The following BTBD9 variants were observed in gnomAD, a reference collection of about 807,000 sequenced individuals.
The protein encoded by BTBD9 is BTB/POZ domain-containing protein 9.
A neutral mutation model predicts 64.3 loss-of-function variants in BTBD9; 49 were observed. The observed-to-expected ratio is 0.76, with a 90% confidence interval of 0.61 to 0.97. The LOEUF (loss-of-function observed/expected upper bound fraction) is 0.97, where lower values mean the gene tolerates loss of function less well. Among genes scored for constraint, BTBD9 ranks in the 50% least tolerant of loss-of-function variants. The pLI, the probability that BTBD9 is intolerant of heterozygous loss-of-function variation, is 0.00. For synonymous variants in BTBD9, 260 were observed against 274.7 expected (o/e 0.95, Z 0.53); for missense variants, 598 against 762.1 (o/e 0.78, Z 2.53).
At chr6:38,567,749 C>T (rs1442880750) in intron 6 of BTBD9, among the ~76,000 whole-genome samples, 1 of 152,192 alleles carries the variant, frequency 6.6e-6, no homozygotes, top group Non-Finnish European at 1.5e-5. Flanking sequence ...ATCTAGGGAA[C>T]TTCTACCATT....
intron 6 of BTBD9, among the ~76,000 whole-genome samples, chr6:38,550,524 G>T (rs901262896): frequency 4.6e-5 from 7 of 151,958 alleles, no homozygotes; most frequent in African/African-American, 1.7e-4. Flanking sequence ...CACTGTGTTA[G>T]CCAGGATGGT....
At chr6:38,541,673 G>A (rs899620601) in intron 6 of BTBD9, among the ~76,000 whole-genome samples, 18 of 152,254 alleles carry the variant, frequency 1.2e-4, no homozygotes, top group African/African-American at 4.1e-4. Context: ...AGGAGATGGA[G>A]GTTGCTGTGA....
At chr6:38,446,489 T>C (rs905481583) in intron 6 of BTBD9, among the ~76,000 whole-genome samples, 1 of 152,154 alleles carries the variant, frequency 6.6e-6, no homozygotes, top group Non-Finnish European at 1.5e-5. Flanking sequence ...CTTTTGTTTC[T>C]GTCACGTGTT....
At chr6:38,430,670 G>A (rs1351762744) in intron 6 of BTBD9, among the ~76,000 whole-genome samples, 1 of 151,488 alleles carries the variant, frequency 6.6e-6, no homozygotes, top group East Asian at 1.9e-4. Context: ...AAGTATTCCT[G>A]GCTAATTTTT....
rs575025737 is a variant in BTBD9, at chr6:38,367,799, C to CAAAAA, written c.1155-22711_1155-22707dup. 4.0e-3 allele frequency among the ~76,000 whole-genome samples: 337 copies of CAAAAA among 84,228 alleles called. 31 individuals are homozygous for CAAAAA. The East Asian group carries it at 0.055, about 14-fold the overall frequency. The allele number at this position is 84,228 out of a possible 152,430, so 55.3% of individuals were successfully genotyped here. On this transcript the variant is annotated intron_variant, in intron 6 of 10. Coordinates refer to ENST00000481247, the MANE Select transcript of BTBD9 (RefSeq NM_001099272.2). Reference sequence around the variant, plus strand: ...TGCAAGAGTGTTGCACCAGAAATGGCAAAAAAAAAAAAAAAAAAAAAAAAA... The same window carrying CAAAAA: ...TGCAAGAGTGTTGCACCAGAAATGGCAAAAAAAAAAAAAAAAAAAAAAAAAAAAAA...
intron 8 of BTBD9, among the ~76,000 whole-genome samples, chr6:38,284,207 C>A (rs1366554639): frequency 6.6e-6 from 1 of 151,918 alleles, no homozygotes; most frequent in African/African-American, 2.4e-5. Context: ...AAAAAGCGGG[C>A]TTAAGGAAGT....
intron 6 of BTBD9, among the ~76,000 whole-genome samples, chr6:38,568,073 A>C (rs1191314448): frequency 6.6e-6 from 1 of 152,224 alleles, no homozygotes; most frequent in East Asian, 1.9e-4. Context: ...TATACAAGAT[A>C]TATAATTAAT....
intron 6 of BTBD9, among the ~76,000 whole-genome samples, chr6:38,469,722 C>T (rs956393303): frequency 4.6e-5 from 7 of 152,124 alleles, no homozygotes; most frequent in African/African-American, 1.7e-4. Flanking sequence ...AGGATTTTGT[C>T]GTCTGAGTAG....
chr6:38,580,939 T>C (rs1776255371), intron 4 of BTBD9, among the ~76,000 whole-genome samples: 1 of 152,202 alleles, frequency 6.6e-6, no homozygotes, highest in African/African-American at 2.4e-5. Context: ...ATGCCTGTAA[T>C]CCCAGCACTT....
chr6:38,625,958 C>T (rs1001690267), intron 1 of BTBD9, among the ~76,000 whole-genome samples: 2 of 152,216 alleles, frequency 1.3e-5, no homozygotes, highest in Non-Finnish European at 2.9e-5. Context: ...CAACAAATTA[C>T]ACTCCATTCA....
At chr6:38,609,427 A>G (rs767273351) in intron 1 of BTBD9, among the ~76,000 whole-genome samples, 2 of 152,202 alleles carry the variant, frequency 1.3e-5, no homozygotes, top group Non-Finnish European at 2.9e-5. Context: ...CTATAAAACT[A>G]TCAGCCTTTA....
intron 9 of BTBD9, among the ~76,000 whole-genome samples, chr6:38,239,040 G>A (rs1763896998): frequency 6.6e-6 from 1 of 152,028 alleles, no homozygotes; most frequent in Non-Finnish European, 1.5e-5. Context: ...AATCTTAATG[G>A]GGTGGGACTC....
intron 9 of BTBD9, among the ~76,000 whole-genome samples, chr6:38,253,801 C>G (rs185742722): frequency 2.0e-5 from 3 of 151,974 alleles, no homozygotes; most frequent in Non-Finnish European, 2.9e-5. Flanking sequence ...TTTGTTTCCC[C>G]CTTTTCATCA....
At chr6:38,275,232 A>T (rs1160097332) in intron 8 of BTBD9, among the ~76,000 whole-genome samples, 2 of 152,132 alleles carry the variant, frequency 1.3e-5, no homozygotes, top group Admixed American at 1.3e-4. Flanking sequence ...AACCTGACAA[A>T]AACAAGCAAT....
At chr6:38,434,091 A>G (rs1426674222) in intron 6 of BTBD9, among the ~76,000 whole-genome samples, 1 of 152,040 alleles carries the variant, frequency 6.6e-6, no homozygotes, top group Non-Finnish European at 1.5e-5. Context: ...TTATGTGACA[A>G]AGAAGAAAAT....
intron 6 of BTBD9, among the ~76,000 whole-genome samples, chr6:38,420,017 C>T (rs1214278158): frequency 6.6e-6 from 1 of 151,978 alleles, no homozygotes; most frequent in African/African-American, 2.4e-5. Flanking sequence ...ACTGATTTAT[C>T]CCAAGGTACT....
rs145734232 is a variant in BTBD9, at chr6:38,297,657, A to C, written c.1265-9196T>G. Among the ~76,000 whole-genome samples, 212 of 152,164 alleles carry C rather than the reference A, an allele frequency of 1.4e-3. 1 individual carries two copies. Among genetic ancestry groups the C allele is most frequent in the African/African-American group, 5.0e-3 (208 of 41,540 alleles). On this transcript the variant is annotated intron_variant, in intron 7 of 10. Coordinates refer to ENST00000481247, the MANE Select transcript of BTBD9 (RefSeq NM_001099272.2). The stretch of plus-strand genomic sequence containing the variant: ...ACTTTCTATTTTTCTGGTCTCTTGT[A>C]AATAACATAATAGATTTTTAAAAGA...
intron 6 of BTBD9, among the ~76,000 whole-genome samples, chr6:38,434,458 G>C (rs1043348934): frequency 1.3e-5 from 2 of 151,760 alleles, no homozygotes; most frequent in Non-Finnish European, 2.9e-5. Flanking sequence ...TCCCAGCCCC[G>C]CTTTGAGTTG....
intron 7 of BTBD9, among the ~76,000 whole-genome samples, chr6:38,307,013 C>T (rs1335289762): frequency 4.1e-5 from 6 of 147,826 alleles, no homozygotes. Flanking sequence ...CATAGAGATA[C>T]AAAGATTTCC....
Sources: allele counts gnomAD v4.1 joint callset (sites outside exome capture counted in the v4.1 genomes callset), GRCh38; gene constraint gnomAD v4.1.1; transcripts MANE v1.5; gene names NCBI Gene and HGNC (gene_info 2026-07-23, HGNC 2026-07-21).